Variants in FAF2 observed in about 807,000 individuals in gnomAD.
FAF2 encodes the protein FAS-associated factor 2.
Under a neutral mutation model 62.3 loss-of-function variants are expected in FAF2, and 9 were observed. The ratio of observed to expected loss-of-function variants is 0.14; its 90% CI spans 0.09 to 0.25. FAF2 has a LOEUF of 0.25. FAF2 is among the 10% of genes least tolerant of loss of function. The pLI, the probability that FAF2 is intolerant of heterozygous loss-of-function variation, is 1.00. For missense variants in FAF2, 368 were observed against 556.2 expected, an observed-to-expected ratio of 0.66 and a Z score of 3.40; for synonymous variants, 202 against 198.0, an observed-to-expected ratio of 1.02 and a Z score of -0.17.
chr5:176,493,131 G>A (rs899702630), intron 5 of FAF2, among the ~76,000 whole-genome samples: 5 of 152,202 alleles, frequency 3.3e-5, no homozygotes, highest in Admixed American at 6.5e-5. Context: ...ATAGGCAAAA[G>A]GGGGTTCTAT....
intron 1 of FAF2, among the ~76,000 whole-genome samples, chr5:176,449,368 A>T (rs1280367456): frequency 6.6e-6 from 1 of 152,224 alleles, no homozygotes; most frequent in Non-Finnish European, 1.5e-5. Flanking sequence ...CGAGGTCAGG[A>T]GTTCGAGACC....
At chr5:176,491,047 A>T (rs7702142) in intron 4 of FAF2, among the ~76,000 whole-genome samples, 12,596 of 152,276 alleles carry the variant, frequency 0.083, 875 homozygotes, top group East Asian at 0.28. Context: ...AATTGTATAC[A>T]CAGGGGGAAT....
intron 1 of FAF2, among the ~76,000 whole-genome samples, chr5:176,474,495 T>G (rs1376573892): frequency 6.6e-6 from 1 of 152,212 alleles, no homozygotes; most frequent in Non-Finnish European, 1.5e-5. Context: ...TCTAGACAAT[T>G]AGATTCTTTT....
At chr5:176,458,238 C>T (rs766995481) in intron 1 of FAF2, among the ~76,000 whole-genome samples, 21 of 151,986 alleles carry the variant, frequency 1.4e-4, no homozygotes, top group Non-Finnish European at 2.5e-4. Flanking sequence ...CGTGCCACCA[C>T]GCCCAGCTAA....
intron 1 of FAF2, among the ~76,000 whole-genome samples, chr5:176,473,701 C>T (rs1334277559): frequency 3.9e-5 from 6 of 152,208 alleles, no homozygotes; most frequent in East Asian, 3.8e-4. Flanking sequence ...TTATATCATG[C>T]GTATTTATTT....
At chr5:176,477,732 C>T (rs1405758247) in intron 1 of FAF2, among the ~76,000 whole-genome samples, 1 of 152,082 alleles carries the variant, frequency 6.6e-6, no homozygotes, top group Non-Finnish European at 1.5e-5. Flanking sequence ...TTTTTAAGCT[C>T]TGGAAAAGAA....
At chr5:176,498,893 T>A (rs1172871910) in intron 8 of FAF2, 21 bp from the exon 9 acceptor site, 7 of 1,520,646 alleles carry the variant, frequency 4.6e-6, no homozygotes, top group Non-Finnish European at 6.2e-6. Context: ...TTTTCTTCTC[T>A]TGCTTTTGAT....
rs78250564 is a variant in FAF2, at chr5:176,480,261, G to A, written c.132+1005G>A. On this transcript the variant is annotated intron_variant, in intron 2 of 10. Transcript: ENST00000261942. ...TAATTATTATATGCTATTTTAAAAG[G>A]GTGCTGGATTCCTAAAAACGTGTTC... is the stretch of plus-strand genomic sequence containing the variant. Among the ~76,000 whole-genome samples the A allele has an allele frequency of 3.3e-3, 503 of 150,578 alleles. 3 individuals are homozygous for A. Among genetic ancestry groups the A allele is most frequent in the African/African-American group, 0.012 (485 of 41,070 alleles).
intron 1 of FAF2, among the ~76,000 whole-genome samples, chr5:176,471,782 C>T (rs993890011): frequency 3.3e-5 from 5 of 151,280 alleles, no homozygotes; most frequent in Admixed American, 6.6e-5. Context: ...CTCCGCCCCC[C>T]GGGTTCAAGC....
chr5:176,456,441 C>T (rs1255216426), intron 1 of FAF2, among the ~76,000 whole-genome samples: 1 of 152,058 alleles, frequency 6.6e-6, no homozygotes, highest in African/African-American at 2.4e-5. Flanking sequence ...GAACAGACAA[C>T]TCACCAAAAA....
chr5:176,495,281 C>T (rs965110404), intron 7 of FAF2, among the ~76,000 whole-genome samples: 17 of 152,116 alleles, frequency 1.1e-4, no homozygotes, highest in Non-Finnish European at 2.4e-4. Context: ...AGATGTTGTC[C>T]CTGCATCCCA....
At chr5:176,496,105 C>T (rs970413814) in intron 7 of FAF2, among the ~76,000 whole-genome samples, 4 of 152,110 alleles carry the variant, frequency 2.6e-5, no homozygotes, top group Non-Finnish European at 4.4e-5. Context: ...ACAACCACAC[C>T]GCCACCAGGA....
At chr5:176,458,528 C>T (rs1035395011) in intron 1 of FAF2, among the ~76,000 whole-genome samples, 12 of 140,152 alleles carry the variant, frequency 8.6e-5, no homozygotes, top group African/African-American at 2.9e-4. Context: ...CTCAGCTTCC[C>T]GAGTAGCTGG....
chr5:176,499,258 A>C (rs1755551594), intron 9 of FAF2, among the ~76,000 whole-genome samples, 173 bp downstream of exon 9: 1 of 152,084 alleles, frequency 6.6e-6, no homozygotes, highest in African/African-American at 2.4e-5. Context: ...GGGTGATTTA[A>C]ATTTTTCATA....
At chr5:176,504,207 G>C (rs1346917615) in intron 10 of FAF2, among the ~76,000 whole-genome samples, 1 of 152,068 alleles carries the variant, frequency 6.6e-6, no homozygotes, top group African/African-American at 2.4e-5. Context: ...CAGGCATGGT[G>C]GTTCACGCCT....
rs1755689244 is a variant in FAF2 at position 176,506,664 on chromosome 5, A to G, written c.1156-104A>G. On this transcript the variant is annotated intron_variant, in intron 10 of 10. Coordinates refer to ENST00000261942, the MANE Select transcript of FAF2 (RefSeq NM_014613.3). Reference sequence around the variant, plus strand: ...TTTCCTATAGAGTCATCCTGGGGAGAGTTGGGGTATATTTGACTTCAGAGT... The same window carrying G: ...TTTCCTATAGAGTCATCCTGGGGAGGGTTGGGGTATATTTGACTTCAGAGT... 1.8e-5 allele frequency: 16 copies of G among 869,954 alleles called. No individual in the cohort carries two copies. The South Asian group carries it at 2.4e-4, about 13-fold the overall frequency. 53.9% of individuals were successfully genotyped at this position (869,954 alleles called of 1,614,324 possible).
At chr5:176,476,846 G>A (rs1393975727) in intron 1 of FAF2, among the ~76,000 whole-genome samples, 1 of 120,162 alleles carries the variant, frequency 8.3e-6, no homozygotes, top group Non-Finnish European at 1.6e-5. Context: ...GTCTTCCTCT[G>A]TCACCCAGGC....
intron 1 of FAF2, among the ~76,000 whole-genome samples, chr5:176,460,869 T>A (rs1758366683): frequency 6.6e-6 from 1 of 151,998 alleles, no homozygotes; most frequent in Non-Finnish European, 1.5e-5. Flanking sequence ...GGAGGATCAC[T>A]TGAACCTGGG....
intron 10 of FAF2, among the ~76,000 whole-genome samples, chr5:176,504,625 C>G (rs2113749653): frequency 6.6e-6 from 1 of 151,756 alleles, no homozygotes; most frequent in East Asian, 1.9e-4. Flanking sequence ...GGTTTCATAC[C>G]AAGAATACTT....
Sources: gnomAD v4.1 joint callset for allele counts (sites outside exome capture counted in the v4.1 genomes callset) on GRCh38, gnomAD v4.1.1 for gene constraint, MANE v1.5 for transcripts, NCBI Gene and HGNC (gene_info 2026-07-23, HGNC 2026-07-21) for gene names.